The following MIDN variants were observed in gnomAD, a reference collection of about 807,000 sequenced individuals.
MIDN encodes midbrain nucleolar protein.
In MIDN, 26 loss-of-function variants were observed where a neutral mutation model predicts 46.1. The observed-to-expected ratio is 0.56, with a 90% confidence interval of 0.41 to 0.78. MIDN has a LOEUF of 0.78. Among genes scored for constraint, MIDN ranks in the 30% least tolerant of loss-of-function variants. MIDN has a pLI of 0.00. For synonymous variants in MIDN, 432 were observed against 343.3 expected, an observed-to-expected ratio of 1.26 and a Z score of -2.86; for missense variants, 850 against 771.8, an observed-to-expected ratio of 1.10 and a Z score of -1.20.
rs1417759086 is a variant in MIDN, at chr19:1,253,966, CCCGGG to C, written c.409_413del (p.Arg137TrpfsTer14). The C allele has an allele frequency of 2.9e-6, 4 of 1,393,322 alleles. No homozygotes were observed. Among genetic ancestry groups the C allele is most frequent in the African/African-American group, 1.5e-5 (1 of 65,570 alleles). The allele number at this position is 1,393,322 out of a possible 1,614,324, so 86.3% of individuals were successfully genotyped here. Reference sequence around the variant, plus strand: ...TCTGTCCCCACAGCCCCCAGCGGCGCCCGGGCCGGGCCGGGCTGGCGGAGGAGGCT... The same window carrying C: ...TCTGTCCCCACAGCCCCCAGCGGCGCCCGGGCCGGGCTGGCGGAGGAGGCT... On this transcript the variant is annotated frameshift_variant, in exon 5 of 9. Transcript: ENST00000682408. LOFTEE classifies it high-confidence loss of function.
intron 2 of MIDN, among the ~76,000 whole-genome samples, chr19:1,250,947 C>T (rs2081118972): frequency 6.6e-6 from 1 of 152,028 alleles, no homozygotes; most frequent in South Asian, 2.1e-4. Context: ...CCGAGCGCTC[C>T]CCGCAGCCTC....
intron 2 of MIDN, chr19:1,251,295 G>C: frequency 2.0e-6 from 1 of 491,178 alleles, no homozygotes; most frequent in African/African-American, 2.0e-5. Flanking sequence ...AGGAGAAAGT[G>C]CCTGGTTGGG....
rs1482774739 is a variant in MIDN, at chr19:1,252,050, C to T, written c.384+149C>T. 13 of 645,680 alleles carry T rather than the reference C, an allele frequency of 2.0e-5. No individual in the cohort carries two copies. In the East Asian group the frequency reaches 3.3e-4, roughly 16 times the overall value. The allele number at this position is 645,680 out of a possible 1,614,324, so 40.0% of individuals were successfully genotyped here. On this transcript the variant is annotated intron_variant, in intron 4 of 8. Transcript: ENST00000682408. ...CCGCCTGGGTGCCAGCCTGGCCTGG[C>T]CTCCCCACCTCCTCTCCCCCAAGAT...
At position 1,254,092 on chromosome 19, in the gene MIDN, C is replaced by T. The variant is rs976524369; in HGVS notation, c.513+10C>T. 4.6e-5 allele frequency: 71 copies of T among 1,527,416 alleles called. No individual in the cohort carries two copies. The Middle Eastern group carries it at 6.8e-4, about 15-fold the overall frequency. 94.6% of individuals were successfully genotyped at this position (1,527,416 alleles called of 1,614,324 possible). A position where few individuals can be genotyped will look rare whatever the true frequency, so the allele number is the denominator to read the frequency against. On this transcript the variant is annotated intron_variant, in intron 5 of 8. Coordinates refer to ENST00000682408, the MANE Select transcript of MIDN (RefSeq NM_001388306.1). ...CGGCGAGAGGCCCCAGGTCACAGCGCGGGGGGACTGGGCCGGGCTGGGCTG... is the reference window on the plus strand; with the variant it reads ...CGGCGAGAGGCCCCAGGTCACAGCGTGGGGGGACTGGGCCGGGCTGGGCTG...
chr19:1,256,948 C>A (rs905267437), intron 8 of MIDN, 47 bp from the exon 9 acceptor site: 12 of 1,599,302 alleles, frequency 7.5e-6, no homozygotes, highest in South Asian at 1.1e-5. Context: ...CCTCTGTGTT[C>A]AGCAGGTGGA....
At position 1,254,239 on chromosome 19, in the gene MIDN, C is replaced by T; in HGVS notation, c.586C>T (p.Gln196Ter). Residue 196 changes from glutamine (Q) to a stop codon, truncating the protein, a stop_gained, in exon 6 of 9, where the codon CAG becomes TAG. Transcript: ENST00000682408. LOFTEE classifies it high-confidence loss of function. Reference sequence around the variant, plus strand: ...TGTGGGCGACCACATGATGTTCGTGCAGCTGCAGCTCGCGGCCCAGCACGC... The same window carrying T: ...TGTGGGCGACCACATGATGTTCGTGTAGCTGCAGCTCGCGGCCCAGCACGC... ...LRVGDHMMFVQLQLAAQHAPL... is the reference protein window; with the variant it reads ...LRVGDHMMFV 6.3e-7 allele frequency: 1 copy of T among 1,595,750 alleles called. No individual in the cohort carries two copies.
chr19:1,255,195 C>T (rs1053563642), intron 7 of MIDN, 134 bp downstream of exon 7: 5 of 1,202,676 alleles, frequency 4.2e-6, no homozygotes, highest in African/African-American at 3.1e-5. Flanking sequence ...CTTCACATGT[C>T]CCCCAGGAAT....
intron 1 of MIDN, among the ~76,000 whole-genome samples, chr19:1,248,874 C>T (rs934281698): frequency 2.6e-5 from 4 of 152,028 alleles, no homozygotes; most frequent in Non-Finnish European, 5.9e-5. Flanking sequence ...GGGCACTCCC[C>T]CTTCACCGCG....
intron 3 of MIDN, 72 bp from the exon 4 acceptor site, chr19:1,251,767 C>A: frequency 1.3e-6 from 2 of 1,539,012 alleles, no homozygotes; most frequent in Non-Finnish European, 1.8e-6. Context: ...GCCAGCAGGG[C>A]CCTCTCCACC....
chr19:1,253,667 C>T (rs1389029078), intron 4 of MIDN: 5 of 181,944 alleles, frequency 2.7e-5, no homozygotes, highest in South Asian at 1.8e-4. Context: ...AAATATTTAT[C>T]TTGAGAAAGC....
At chr19:1,251,969 G>T in intron 4 of MIDN, 68 bp downstream of exon 4, 2 of 1,376,564 alleles carry the variant, frequency 1.5e-6, no homozygotes, top group Non-Finnish European at 2.0e-6. Context: ...CACCGACGGG[G>T]CCTGGGGGTT....
intron 2 of MIDN, among the ~76,000 whole-genome samples, chr19:1,251,079 C>G (rs1051000535): frequency 6.6e-6 from 1 of 151,880 alleles, no homozygotes; most frequent in East Asian, 2.0e-4. Context: ...GGGGGAGGGT[C>G]TCCTTTGTCT....
Position 1,254,393 on chromosome 19 carries a change from T to G in MIDN, c.740T>G (p.Val247Gly), listed in dbSNP as rs1283703268. 1 of 1,562,070 alleles carries G rather than the reference T, an allele frequency of 6.4e-7. No individual in the cohort carries two copies. The highest frequency in any genetic ancestry group is 8.6e-7 in the Non-Finnish European group (1 of 1,160,862). The change falls in exon 6 of 9, where the codon GTG (valine) becomes GGG (glycine). Residue 247 changes from valine to glycine, a missense_variant. Coordinates refer to ENST00000682408, the MANE Select transcript of MIDN (RefSeq NM_001388306.1). ...TCCAGTGCCGCCCGAGTCCCCCCGG[T>G]GCCCACCAGCCCGTCCCCTGCATCT... ...PVSSAARVPP[V>G]PTSPSPASPS...
rs2081207530 is a variant in MIDN at position 1,257,048 on chromosome 19, C to T, written c.1312C>T (p.Leu438=). Residue 438 remains leucine (L), a synonymous_variant, in exon 9 of 9, where the codon CTG becomes TTG. Transcript: ENST00000682408. ...CGCCACGCGCTGCAAGGTGGAACGG[C>T]TGCAGCTGCTTCTGCAGCAGAAACG... The part of the protein sequence containing the change: ...NRATRCKVER[L]QLLLQQKRLR... 1 of 1,612,352 alleles carries T rather than the reference C, an allele frequency of 6.2e-7. No homozygotes were observed. The highest frequency in any genetic ancestry group is 8.5e-7 in the Non-Finnish European group (1 of 1,179,966).
chr19:1,253,351 G>A (rs897464954), intron 4 of MIDN, among the ~76,000 whole-genome samples: 5 of 152,214 alleles, frequency 3.3e-5, no homozygotes, highest in South Asian at 2.1e-4. Flanking sequence ...GAGGAGAGCC[G>A]GGAGGGAGAG....
At chr19:1,252,717 C>T (rs558881355) in intron 4 of MIDN, among the ~76,000 whole-genome samples, 7 of 152,292 alleles carry the variant, frequency 4.6e-5, no homozygotes, top group South Asian at 4.1e-4. Flanking sequence ...GCCGGCTTCC[C>T]GGGCCTCCCT....
chr19:1,251,681 G>T (rs1216946857), intron 3 of MIDN, 32 bp downstream of exon 3: 2 of 1,590,624 alleles, frequency 1.3e-6, no homozygotes, highest in East Asian at 2.3e-5. Flanking sequence ...TGCCCCCAGA[G>T]GCCCCCGCAC....
At position 1,258,740 on chromosome 19, in the gene MIDN, T is replaced by TC. The variant is rs1395457140; in HGVS notation, c.*1471dup. ...TTGTGGGAGGGTGGGCAGGGAGGGG[T>TC]CCCAGAGGGTAGAGCTCAAGGATTT... On this transcript the variant is annotated 3_prime_UTR_variant, in exon 9 of 9. Transcript: ENST00000682408. 15 of 149,802 alleles carry TC rather than the reference T, an allele frequency of 1.0e-4. No individual in the cohort carries two copies. In the Admixed American group the frequency reaches 1.0e-3, roughly 10 times the overall value. 9.3% of individuals were successfully genotyped at this position (149,802 alleles called of 1,614,324 possible).
In MIDN at chr19:1,258,161, C is replaced by T. The variant is rs763252872; in HGVS notation, c.*889C>T. ...TATTTATAGACTATTAATTTTCTGA[C>T]TGAGCCAATAGTGGTTGGGGAACTC... On this transcript the variant is annotated 3_prime_UTR_variant, in exon 9 of 9. Transcript: ENST00000682408. 7.2e-5 allele frequency: 11 copies of T among 152,596 alleles called. No homozygotes were observed. Among genetic ancestry groups the T allele is most frequent in the Non-Finnish European group, 1.6e-4 (11 of 68,074 alleles). The allele number at this position is 152,596 out of a possible 1,614,324, so 9.5% of individuals were successfully genotyped here. A position where few individuals can be genotyped will look rare whatever the true frequency, so the allele number is the denominator to read the frequency against.
Sources: gnomAD v4.1 joint callset for allele counts (sites outside exome capture counted in the v4.1 genomes callset) on GRCh38, gnomAD v4.1.1 for gene constraint, MANE v1.5 for transcripts, NCBI Gene and HGNC (gene_info 2026-07-23, HGNC 2026-07-21) for gene names.